MINDY3: variants seen among roughly 807,000 people sequenced by gnomAD.
The protein encoded by MINDY3 is ubiquitin carboxyl-terminal hydrolase MINDY-3.
A neutral mutation model predicts 69.2 loss-of-function variants in MINDY3; 38 were observed. The observed-to-expected ratio is 0.55, with a 90% CI of 0.42 to 0.72. The LOEUF (loss-of-function observed/expected upper bound fraction) is 0.72. Among genes scored for constraint, MINDY3 ranks in the 30% least tolerant of loss-of-function variants. The pLI is 0.00. For missense variants in MINDY3, 522 were observed against 519.0 expected, an observed-to-expected ratio of 1.01 and a Z score of -0.06; for synonymous variants, 192 against 180.1, an observed-to-expected ratio of 1.07 and a Z score of -0.53.
chr10:15,821,818 A>C, intron 8 of MINDY3, 92 bp from the exon 9 acceptor site: 1 of 953,268 alleles, frequency 1.0e-6, no homozygotes, highest in Admixed American at 2.7e-5. Context: ...ATATATATTT[A>C]TACTACACCA....
At position 15,860,315 on chromosome 10, in the gene MINDY3, G is replaced by C; in HGVS notation, c.-16C>G. On this transcript the variant is annotated 5_prime_UTR_variant, in exon 1 of 15. Transcript: ENST00000277632. ...GTTCGGACATGATGAGGAACCGGCG[G>C]GCGGATCTTCGCTTTGCGGACTCCT... 6.3e-7 allele frequency: 1 copy of C among 1,575,384 alleles called. No individual in the cohort carries two copies. Among genetic ancestry groups the C allele is most frequent in the East Asian group, 2.3e-5 (1 of 43,738 alleles).
intron 1 of MINDY3, among the ~76,000 whole-genome samples, chr10:15,853,637 C>A (rs1490677597): frequency 1.3e-5 from 2 of 151,850 alleles, no homozygotes; most frequent in African/African-American, 4.8e-5. Flanking sequence ...TGGAAGCTAC[C>A]CATAAAGCAC....
intron 10 of MINDY3, among the ~76,000 whole-genome samples, chr10:15,805,569 C>A (rs2131929311): frequency 6.6e-6 from 1 of 152,236 alleles, no homozygotes; most frequent in East Asian, 1.9e-4. Flanking sequence ...GCTGCTTCCT[C>A]CTTCTAAGAG....
Position 15,789,302 on chromosome 10 carries a change from CG to C in MINDY3, c.972del (p.Asp325IlefsTer7). 1 of 1,610,646 alleles carries C rather than the reference CG, an allele frequency of 6.2e-7. No homozygotes were observed. The highest frequency in any genetic ancestry group is 8.5e-7 in the Non-Finnish European group (1 of 1,177,888). On this transcript the variant is annotated frameshift_variant, in exon 12 of 15. Coordinates refer to ENST00000277632, the MANE Select transcript of MINDY3 (RefSeq NM_024948.4). LOFTEE classifies it high-confidence loss of function. ...TTCATCACATCTTCCAGAAGTGAAT[CG>C]GGTATGAATCCATTATCTAGGGGGG... ...TYDPEDNGFI[P>X]DSLLEDVMKA...
intron 11 of MINDY3, among the ~76,000 whole-genome samples, chr10:15,790,015 C>G (rs1837292035): frequency 6.6e-6 from 1 of 152,060 alleles, no homozygotes. Flanking sequence ...CTTAAATGTA[C>G]AGTGCCCAAT....
chr10:15,838,143 C>A, intron 5 of MINDY3, 85 bp downstream of exon 5: 1 of 1,399,746 alleles, frequency 7.1e-7, no homozygotes, highest in Non-Finnish European at 9.4e-7. Flanking sequence ...CTATGTAAAA[C>A]TAAGAACCTT....
In MINDY3 at chr10:15,846,725, A is replaced by ATT. The variant is rs11455489; in HGVS notation, c.174+1137_174+1138dup. Among the ~76,000 whole-genome samples, 455 of 141,638 alleles carry ATT rather than the reference A, an allele frequency of 3.2e-3. 4 individuals are homozygous for ATT. Among genetic ancestry groups the ATT allele is most frequent in the African/African-American group, 9.8e-3 (378 of 38,564 alleles). The allele number at this position is 141,638 out of a possible 152,430, so 92.9% of individuals were successfully genotyped here. A position where few individuals can be genotyped will look rare whatever the true frequency, so the allele number is the denominator to read the frequency against. ...TTTGTAGCCAACAGTTTAGGAATGC[A>ATT]TTTTTTTTTTTTTTTTGAGACAAAG... On this transcript the variant is annotated intron_variant, in intron 2 of 14. Coordinates refer to ENST00000277632, the MANE Select transcript of MINDY3 (RefSeq NM_024948.4).
In MINDY3 at chr10:15,786,613, C is replaced by T. The variant is rs774899055; in HGVS notation, c.1064G>A (p.Gly355Glu). The T allele has an allele frequency of 1.6e-5, 25 of 1,596,824 alleles. No homozygotes were observed. In the East Asian group the frequency reaches 5.6e-4, roughly 36 times the overall value. ...TGGGCCCAATAATATGATTCCTAATCCTTCTGGATCTAATTTATTCTTCAT... is the reference window on the plus strand; with the variant it reads ...TGGGCCCAATAATATGATTCCTAATTCTTCTGGATCTAATTTATTCTTCAT... ...NLMKNKLDPE[G>E]LGIILLGPFL... The change falls in exon 13 of 15, where the codon GGA becomes GAA. Residue 355 changes from glycine (G) to glutamate (E), a missense_variant. Transcript: ENST00000277632.
intron 11 of MINDY3, among the ~76,000 whole-genome samples, chr10:15,795,458 G>A (rs1029478740): frequency 1.3e-5 from 2 of 151,998 alleles, no homozygotes; most frequent in East Asian, 3.9e-4. Context: ...ATTTCTACAC[G>A]GTACTTCGTA....
chr10:15,826,618 A>G (rs959718697), intron 8 of MINDY3, among the ~76,000 whole-genome samples: 1 of 152,220 alleles, frequency 6.6e-6, no homozygotes, highest in African/African-American at 2.4e-5. Flanking sequence ...AGAAAAGACT[A>G]TGACAATTTT....
At chr10:15,853,073 C>T (rs760106017) in intron 1 of MINDY3, among the ~76,000 whole-genome samples, 1 of 152,040 alleles carries the variant, frequency 6.6e-6, no homozygotes, top group Non-Finnish European at 1.5e-5. Flanking sequence ...CTTGAACCCA[C>T]TACCCCTCGA....
intron 2 of MINDY3, among the ~76,000 whole-genome samples, chr10:15,844,344 G>C (rs190498427): frequency 1.1e-3 from 175 of 152,284 alleles, no homozygotes; most frequent in African/African-American, 4.0e-3. Flanking sequence ...TTTGAGAAGT[G>C]AGATGGGGAT....
chr10:15,786,009 G>T (rs896735697), intron 13 of MINDY3, among the ~76,000 whole-genome samples: 1 of 152,166 alleles, frequency 6.6e-6, no homozygotes, highest in Non-Finnish European at 1.5e-5. Context: ...ATTGGATATA[G>T]AACTGGCTTG....
intron 11 of MINDY3, among the ~76,000 whole-genome samples, chr10:15,793,694 C>G (rs1201100548): frequency 6.6e-6 from 1 of 152,054 alleles, no homozygotes; most frequent in Non-Finnish European, 1.5e-5. Context: ...GTATGTGGCT[C>G]TGGAGAAGTG....
intron 12 of MINDY3, 58 bp downstream of exon 12, chr10:15,789,189 T>C (rs1318014250): frequency 5.8e-6 from 8 of 1,390,852 alleles, no homozygotes; most frequent in Admixed American, 1.7e-5. Context: ...GTACAATATG[T>C]CTTAAACTTA....
Position 15,796,111 on chromosome 10 carries a change from T to G in MINDY3, c.944A>C (p.Tyr315Ser). 1.2e-6 allele frequency: 2 copies of G among 1,612,460 alleles called. No individual in the cohort carries two copies. The highest frequency in any genetic ancestry group is 1.7e-6 in the Non-Finnish European group (2 of 1,178,802). Residue 315 changes from tyrosine to serine, a missense_variant, in exon 11 of 15, where the codon TAC becomes TCC. By Grantham distance (144) the Tyr-to-Ser change is moderately radical. Coordinates refer to ENST00000277632, the MANE Select transcript of MINDY3 (RefSeq NM_024948.4). The part of the protein sequence containing the change: ...SEQARRVFQT[Y>S]DPEDNGFIPD... ...TTAAAATCTTTTACCTTCTGGGTCGTAGGTTTGAAAAACTCTTCTGGCTTG... is the reference window on the plus strand; with the variant it reads ...TTAAAATCTTTTACCTTCTGGGTCGGAGGTTTGAAAAACTCTTCTGGCTTG...
chr10:15,797,240 GAACTAA>G (rs745672219), intron 10 of MINDY3, among the ~76,000 whole-genome samples: 4 of 152,072 alleles, frequency 2.6e-5, no homozygotes, highest in African/African-American at 4.8e-5. Context: ...ACAGGAATGG[GAACTAA>G]AACAAGGCAA....
At chr10:15,851,130 TG>T (rs1834256205) in intron 1 of MINDY3, among the ~76,000 whole-genome samples, 1 of 152,224 alleles carries the variant, frequency 6.6e-6, no homozygotes, top group African/African-American at 2.4e-5. Context: ...CTTGGCTTTT[TG>T]TTCCAAGTTT....
In MINDY3 at chr10:15,841,467, G is replaced by A. The variant is rs765932558; in HGVS notation, c.368C>T (p.Ser123Phe). 1.2e-5 allele frequency: 19 copies of A among 1,611,690 alleles called. No homozygotes were observed. Among genetic ancestry groups the A allele is most frequent in the Non-Finnish European group, 1.4e-5 (16 of 1,178,458 alleles). The change falls in exon 4 of 15, where the codon TCT becomes TTT. Residue 123 changes from serine (S) to phenylalanine (F), a missense_variant. Ser to Phe is a radical substitution (Grantham distance 155). Transcript: ENST00000277632. Reference protein sequence around the residue: ...GKTTEETASISGSPAESSCQV... With the variant: ...GKTTEETASIFGSPAESSCQV... ...GCAACTAGACTCTGCAGGACTCCCA[G>A]AAATACTAGCAGTTTCCTCAGTTGT...
Sources: gnomAD v4.1 joint callset for allele counts (sites outside exome capture counted in the v4.1 genomes callset) on GRCh38, gnomAD v4.1.1 for gene constraint, MANE v1.5 for transcripts, NCBI Gene and HGNC (gene_info 2026-07-23, HGNC 2026-07-21) for gene names.